The following SLC8A3 variants were observed in gnomAD, a reference collection of about 807,000 sequenced individuals.
SLC8A3 encodes solute carrier family 8 member A3.
In SLC8A3, 37 loss-of-function variants were observed where a neutral mutation model predicts 65.4. The observed-to-expected ratio is 0.57, with a 90% CI of 0.44 to 0.74. SLC8A3 has a LOEUF of 0.74. SLC8A3 is among the 30% of genes least tolerant of loss of function. SLC8A3 has a pLI of 0.00. For missense variants in SLC8A3, 1,112 were observed against 1,172.1 expected (o/e 0.95, Z 0.75); for synonymous variants, 461 against 444.5 (o/e 1.04, Z -0.47).
At chr14:70,157,426 G>A (rs1896637311) in intron 2 of SLC8A3, among the ~76,000 whole-genome samples, 1 of 152,164 alleles carries the variant, frequency 6.6e-6, no homozygotes, top group Admixed American at 6.5e-5. Context: ...AGGGCAACCA[G>A]CTCATATGTG....
At chr14:70,089,375 A>G (rs535643541) in intron 2 of SLC8A3, among the ~76,000 whole-genome samples, 2 of 152,356 alleles carry the variant, frequency 1.3e-5, no homozygotes, top group South Asian at 4.1e-4. Flanking sequence ...TCCAAACCAT[A>G]ACAGGAGCTC....
At chr14:70,160,777 G>A (rs941224677) in intron 2 of SLC8A3, among the ~76,000 whole-genome samples, 30 of 151,752 alleles carry the variant, frequency 2.0e-4, no homozygotes, top group African/African-American at 6.8e-4. Flanking sequence ...GATGTGATAG[G>A]GTCTCCACAG....
At chr14:70,056,311 G>A (rs937335601) in intron 3 of SLC8A3, among the ~76,000 whole-genome samples, 2 of 152,184 alleles carry the variant, frequency 1.3e-5, no homozygotes, top group African/African-American at 4.8e-5. Context: ...GTGCAAGAGT[G>A]GAACAGTGCC....
chr14:70,142,685 C>A (rs1304260892), intron 2 of SLC8A3, among the ~76,000 whole-genome samples: 2 of 152,328 alleles, frequency 1.3e-5, no homozygotes, highest in East Asian at 1.9e-4. Flanking sequence ...TCTGAGGGAA[C>A]CTCCTCTCCA....
In SLC8A3 at chr14:70,089,858, A is replaced by G. The variant is rs75088109; in HGVS notation, c.1785-28919T>C. On this transcript the variant is annotated intron_variant, in intron 2 of 6. Coordinates refer to ENST00000356921, the MANE Select transcript of SLC8A3 (RefSeq NM_182932.3). ...GCTGACTATTGATTCATACATTTCTATTTATTTATAGAGAGAGGAGCAGAG... is the reference window on the plus strand; with the variant it reads ...GCTGACTATTGATTCATACATTTCTGTTTATTTATAGAGAGAGGAGCAGAG... 8.7e-3 allele frequency among the ~76,000 whole-genome samples: 1,322 copies of G among 151,088 alleles called. 17 individuals carry two copies. Among genetic ancestry groups the G allele is most frequent in the African/African-American group, 0.031 (1,292 of 41,156 alleles).
chr14:70,079,326 A>G (rs2139987873), intron 2 of SLC8A3, among the ~76,000 whole-genome samples: 1 of 136,912 alleles, frequency 7.3e-6, no homozygotes, highest in African/African-American at 2.8e-5. Context: ...TCTACTAAAA[A>G]ATACAAAAAA....
intron 1 of SLC8A3, among the ~76,000 whole-genome samples, chr14:70,178,384 A>G (rs752998959): frequency 1.2e-4 from 18 of 152,182 alleles, no homozygotes; most frequent in Non-Finnish European, 2.2e-4. Flanking sequence ...GACACACAGA[A>G]AGGTATATGA....
rs139542129 is a variant in SLC8A3 at position 70,141,918 on chromosome 14, G to A, written c.1784+24721C>T. On this transcript the variant is annotated intron_variant, in intron 2 of 6. Transcript: ENST00000356921. ...ACTTTGTAACCCGTTTCTCTGAAGAGGACACCCACCTAGCTGTTAACCCTA... is the reference window on the plus strand; with the variant it reads ...ACTTTGTAACCCGTTTCTCTGAAGAAGACACCCACCTAGCTGTTAACCCTA... Among the ~76,000 whole-genome samples the A allele has an allele frequency of 2.8e-4, 42 of 152,306 alleles. 1 individual carries two copies. The East Asian group carries it at 7.3e-3, about 27-fold the overall frequency.
At position 70,073,609 on chromosome 14, in the gene SLC8A3, C is replaced by A. The variant is rs572171302; in HGVS notation, c.1785-12670G>T. On this transcript the variant is annotated intron_variant, in intron 2 of 6. Coordinates refer to ENST00000356921, the MANE Select transcript of SLC8A3 (RefSeq NM_182932.3). ...CATTTTATTTAACAGTGTATCTGTT[C>A]CCAGCACTGAAGAGAACAAGTGGCT... Among the ~76,000 whole-genome samples, 3 of 152,224 alleles carry A rather than the reference C, an allele frequency of 2.0e-5. No individual in the cohort carries two copies. In the South Asian group the frequency reaches 6.2e-4, roughly 32 times the overall value.
At position 70,045,346 on chromosome 14, in the gene SLC8A3, T is replaced by A. The variant is rs1886635710; in HGVS notation, c.*601A>T. ...GAGAGCATGTGTCTAAAAATTCATG[T>A]TTCTCTCTGTTGGCTCGGACCTGGA... On this transcript the variant is annotated 3_prime_UTR_variant, in exon 7 of 7. Coordinates refer to ENST00000356921, the MANE Select transcript of SLC8A3 (RefSeq NM_182932.3). 1 of 152,280 alleles carries A rather than the reference T, an allele frequency of 6.6e-6. No individual in the cohort carries two copies. The highest frequency in any genetic ancestry group is 2.4e-5 in the African/African-American group (1 of 41,546). 9.4% of individuals were successfully genotyped at this position (152,280 alleles called of 1,614,324 possible).
At chr14:70,119,599 A>C (rs1893906670) in intron 2 of SLC8A3, among the ~76,000 whole-genome samples, 1 of 152,204 alleles carries the variant, frequency 6.6e-6, no homozygotes, top group Non-Finnish European at 1.5e-5. Context: ...TGGCTGATGC[A>C]TTTTCTCAGA....
At chr14:70,162,807 C>T (rs1263751311) in intron 2 of SLC8A3, among the ~76,000 whole-genome samples, 1 of 152,200 alleles carries the variant, frequency 6.6e-6, no homozygotes, top group Non-Finnish European at 1.5e-5. Context: ...TAATATCCCT[C>T]TTAAATGTTA....
chr14:70,049,237 A>G (rs576842609), intron 5 of SLC8A3, among the ~76,000 whole-genome samples, 195 bp from the exon 6 acceptor site: 1 of 152,326 alleles, frequency 6.6e-6, no homozygotes, highest in African/African-American at 2.4e-5. Flanking sequence ...TCATAGGTCA[A>G]TTTGAATGCA....
chr14:70,077,548 G>A (rs1029615140), intron 2 of SLC8A3, among the ~76,000 whole-genome samples: 1 of 152,144 alleles, frequency 6.6e-6, no homozygotes, highest in African/African-American at 2.4e-5. Context: ...AGAACCAATG[G>A]TATCAGTATG....
intron 1 of SLC8A3, among the ~76,000 whole-genome samples, chr14:70,179,251 T>C (rs990515296): frequency 4.6e-5 from 7 of 152,208 alleles, no homozygotes; most frequent in African/African-American, 1.7e-4. Context: ...CAGTACTCTC[T>C]TGTAACATCA....
chr14:70,116,339 G>C (rs1278885640), intron 2 of SLC8A3, among the ~76,000 whole-genome samples: 1 of 151,822 alleles, frequency 6.6e-6, no homozygotes, highest in Non-Finnish European at 1.5e-5. Context: ...GTGTGTGTGT[G>C]TGTGTGTGTG....
At chr14:70,134,414 C>A (rs774204843) in intron 2 of SLC8A3, among the ~76,000 whole-genome samples, 3 of 152,138 alleles carry the variant, frequency 2.0e-5, no homozygotes, top group African/African-American at 7.2e-5. Context: ...GCCGTCCATA[C>A]CACTCGCAGT....
chr14:70,149,131 C>T (rs1344079457), intron 2 of SLC8A3, among the ~76,000 whole-genome samples: 4 of 152,170 alleles, frequency 2.6e-5, no homozygotes, highest in Non-Finnish European at 5.9e-5. Context: ...TCCTGGCACA[C>T]AGTAAGTACT....
intron 2 of SLC8A3, among the ~76,000 whole-genome samples, chr14:70,140,406 A>G (rs1369269896): frequency 6.6e-6 from 1 of 152,100 alleles, no homozygotes; most frequent in Non-Finnish European, 1.5e-5. Flanking sequence ...AAAATAACTT[A>G]CCAAAAGCCA....
Sources: gnomAD v4.1 joint callset for allele counts (sites outside exome capture counted in the v4.1 genomes callset) on GRCh38, gnomAD v4.1.1 for gene constraint, MANE v1.5 for transcripts, NCBI Gene and HGNC (gene_info 2026-07-23, HGNC 2026-07-21) for gene names.